The following CAMK4 variants were observed in gnomAD, a reference collection of about 807,000 sequenced individuals.
CAMK4 encodes calcium/calmodulin dependent protein kinase IV, also known as calcium/calmodulin-dependent protein kinase type IV.
In CAMK4, 22 loss-of-function variants were observed where a neutral mutation model predicts 44.9. The observed-to-expected ratio is 0.49, with a 90% CI of 0.35 to 0.70. CAMK4 has a LOEUF of 0.70. Among genes scored for constraint, CAMK4 ranks in the 30% least tolerant of loss-of-function variants. The probability of loss-of-function intolerance (pLI) is 0.01; values close to 1 mark genes in which losing one functional copy is unlikely to be tolerated. For synonymous variants in CAMK4, 218 were observed against 215.4 expected (o/e 1.01, Z -0.11); for missense variants, 498 against 586.8 (o/e 0.85, Z 1.56).
At chr5:111,280,040 A>G (rs897821659) in intron 1 of CAMK4, among the ~76,000 whole-genome samples, 2 of 152,224 alleles carry the variant, frequency 1.3e-5, no homozygotes, top group African/African-American at 4.8e-5. Flanking sequence ...ACACCTGTCA[A>G]TTTCATGTGT....
At chr5:111,453,235 G>C (rs1439205729) in intron 7 of CAMK4, among the ~76,000 whole-genome samples, 1 of 152,128 alleles carries the variant, frequency 6.6e-6, no homozygotes, top group East Asian at 1.9e-4. Context: ...GAAAACACTT[G>C]GGAAAAACAG....
rs111512717 is a variant in CAMK4 at position 111,385,552 on chromosome 5, A to AATAT, written c.386+8619_386+8622dup. On this transcript the variant is annotated intron_variant, in intron 4 of 10. Coordinates refer to ENST00000282356, the MANE Select transcript of CAMK4 (RefSeq NM_001744.6). ...ATGATTGAATAGTGTGCTCCTGAGC[A>AATAT]ATATATATATATGTGTGTGTTTTGT... Among the ~76,000 whole-genome samples the AATAT allele has an allele frequency of 1.6e-3, 238 of 151,504 alleles. 1 individual carries two copies. Among genetic ancestry groups the AATAT allele is most frequent in the African/African-American group, 5.4e-3 (222 of 41,310 alleles).
At chr5:111,271,978 C>G (rs1317077061) in intron 1 of CAMK4, among the ~76,000 whole-genome samples, 4 of 152,072 alleles carry the variant, frequency 2.6e-5, no homozygotes, top group Admixed American at 2.6e-4. Context: ...TTTAAATATT[C>G]TGAGAAGTAT....
At chr5:111,476,271 T>G (rs150289343) in intron 8 of CAMK4, among the ~76,000 whole-genome samples, 38,618 of 126,824 alleles carry the variant, frequency 0.3, 5,458 homozygotes, top group African/African-American at 0.4. Flanking sequence ...GTGTGTGTGT[T>G]TGTGTGTGTG....
chr5:111,326,320 A>G (rs76073447), intron 1 of CAMK4, among the ~76,000 whole-genome samples: 448 of 152,112 alleles, frequency 2.9e-3, no homozygotes, highest in Non-Finnish European at 5.0e-3. Context: ...ACAAATAACA[A>G]TTTTGGGCTA....
At position 111,262,229 on chromosome 5, in the gene CAMK4, A is replaced by C. The variant is rs561300179; in HGVS notation, c.161+37585A>C. 9.3e-5 allele frequency among the ~76,000 whole-genome samples: 14 copies of C among 151,266 alleles called. No homozygotes were observed. The South Asian group carries it at 2.9e-3, about 32-fold the overall frequency. On this transcript the variant is annotated intron_variant, in intron 1 of 10. Coordinates refer to ENST00000282356, the MANE Select transcript of CAMK4 (RefSeq NM_001744.6). ...AAGAAAATTGCAATAGAGGAGAAGG[A>C]TTGAACTCAACTCCACTAAACCAAA...
chr5:111,430,623 T>G (rs907420184), intron 5 of CAMK4, among the ~76,000 whole-genome samples: 1 of 152,046 alleles, frequency 6.6e-6, no homozygotes, highest in African/African-American at 2.4e-5. Flanking sequence ...GGATACAAAA[T>G]CAACATACAA....
chr5:111,255,262 A>G (rs1221022784), intron 1 of CAMK4, among the ~76,000 whole-genome samples: 1 of 152,194 alleles, frequency 6.6e-6, no homozygotes, highest in Non-Finnish European at 1.5e-5. Flanking sequence ...ATCCTGTGCC[A>G]TCATCACTTC....
chr5:111,471,637 G>A (rs959760782), intron 7 of CAMK4, among the ~76,000 whole-genome samples: 10 of 152,186 alleles, frequency 6.6e-5, no homozygotes, highest in African/African-American at 2.4e-4. Flanking sequence ...GTTTGGACAT[G>A]TTATGACAAG....
chr5:111,391,228 A>AG (rs1022412371), intron 4 of CAMK4, among the ~76,000 whole-genome samples: 7 of 152,124 alleles, frequency 4.6e-5, no homozygotes, highest in African/African-American at 1.7e-4. Flanking sequence ...ATGAAGTTCC[A>AG]GGGGAGGGGA....
intron 2 of CAMK4, among the ~76,000 whole-genome samples, chr5:111,374,086 C>A (rs1360065773): frequency 6.6e-6 from 1 of 152,044 alleles, no homozygotes; most frequent in East Asian, 1.9e-4. Context: ...ATAACTTAAA[C>A]AGAAAAAGGA....
intron 5 of CAMK4, among the ~76,000 whole-genome samples, chr5:111,438,095 G>A (rs1475064925): frequency 6.6e-6 from 1 of 152,190 alleles, no homozygotes; most frequent in Non-Finnish European, 1.5e-5. Flanking sequence ...GGGAGAGAAA[G>A]TCAATTTTTG....
chr5:111,289,421 G>A (rs539713418), intron 1 of CAMK4, among the ~76,000 whole-genome samples: 53 of 152,098 alleles, frequency 3.5e-4, no homozygotes, highest in Non-Finnish European at 6.6e-4. Context: ...TTTATTTTTT[G>A]TGAATATAAG....
At chr5:111,469,962 G>A (rs921772088) in intron 7 of CAMK4, among the ~76,000 whole-genome samples, 32 of 152,344 alleles carry the variant, frequency 2.1e-4, no homozygotes, top group African/African-American at 7.5e-4. Flanking sequence ...ATGTTTAAAT[G>A]TCAGTATGGG....
intron 5 of CAMK4, among the ~76,000 whole-genome samples, chr5:111,414,642 CAA>C (rs1752755648): frequency 6.6e-6 from 1 of 151,938 alleles, no homozygotes; most frequent in Non-Finnish European, 1.5e-5. Flanking sequence ...CTTGGAAAAA[CAA>C]AATCTATTGG....
intron 1 of CAMK4, among the ~76,000 whole-genome samples, chr5:111,251,234 C>T (rs1385267841): frequency 1.3e-5 from 2 of 152,174 alleles, no homozygotes; most frequent in Non-Finnish European, 2.9e-5. Context: ...TTTACTCCTC[C>T]ACAGTCTGTT....
chr5:111,453,371 A>T (rs1754301485), intron 7 of CAMK4, among the ~76,000 whole-genome samples: 1 of 152,234 alleles, frequency 6.6e-6, no homozygotes, highest in African/African-American at 2.4e-5. Flanking sequence ...ATAAAAAATT[A>T]AATTGTTAAC....
Position 111,393,889 on chromosome 5 carries a change from T to A in CAMK4, c.387-821T>A, listed in dbSNP as rs1003202250. Among the ~76,000 whole-genome samples the A allele has an allele frequency of 1.3e-3, 175 of 136,684 alleles. 1 individual carries two copies. Among genetic ancestry groups the A allele is most frequent in the African/African-American group, 4.7e-3 (172 of 36,886 alleles). 89.7% of individuals were successfully genotyped at this position (136,684 alleles called of 152,430 possible). A position where few individuals can be genotyped will look rare whatever the true frequency, so the allele number is the denominator to read the frequency against. On this transcript the variant is annotated intron_variant, in intron 4 of 10. Transcript: ENST00000282356. ...AAGTTTTGTGTTTTTTTTTTTTTTT[T>A]AAAGAATCACATTACCAAGCAGGGA...
At chr5:111,408,446 G>A (rs1034438174) in intron 5 of CAMK4, among the ~76,000 whole-genome samples, 3 of 152,124 alleles carry the variant, frequency 2.0e-5, no homozygotes, top group African/African-American at 7.2e-5. Flanking sequence ...AGAATAGTAT[G>A]GGAAAACCCC....
Sources: gnomAD v4.1 joint callset for allele counts (sites outside exome capture counted in the v4.1 genomes callset) on GRCh38, gnomAD v4.1.1 for gene constraint, MANE v1.5 for transcripts, NCBI Gene and HGNC (gene_info 2026-07-23, HGNC 2026-07-21) for gene names.